CADM2: variants seen among roughly 807,000 people sequenced by gnomAD.
CADM2 encodes immunoglobulin superfamily member 4D.
CADM2 carries 12 observed loss-of-function variants against 49.8 expected under a neutral mutation model. That is an observed-to-expected ratio of 0.24 (90% CI 0.15 to 0.39). The LOEUF is 0.39. Among genes scored for constraint, CADM2 ranks in the 10% least tolerant of loss-of-function variants. The pLI is 1.00. For missense variants in CADM2, 378 were observed against 492.3 expected, an observed-to-expected ratio of 0.77 and a Z score of 2.20; for synonymous variants, 214 against 175.4, an observed-to-expected ratio of 1.22 and a Z score of -1.74.
intron 8 of CADM2, among the ~76,000 whole-genome samples, chr3:86,035,155 T>C (rs1734999660): frequency 6.6e-6 from 1 of 152,112 alleles, no homozygotes; most frequent in Non-Finnish European, 1.5e-5. Flanking sequence ...GTCCATTTTC[T>C]GTCACGTCAG....
At chr3:85,952,000 C>T (rs1723482356) in intron 7 of CADM2, among the ~76,000 whole-genome samples, 1 of 150,744 alleles carries the variant, frequency 6.6e-6, no homozygotes, top group Non-Finnish European at 1.5e-5. Context: ...ATAGTGGGCC[C>T]CTCAGTTAAG....
At chr3:85,731,874 G>T (rs959234413) in intron 2 of CADM2, among the ~76,000 whole-genome samples, 1 of 151,874 alleles carries the variant, frequency 6.6e-6, no homozygotes, top group South Asian at 2.1e-4. Context: ...TATCAGTGAA[G>T]AAATTAAGTA....
In CADM2 at chr3:85,526,691, A is replaced by G. The variant is rs542906040; in HGVS notation, c.62-199831A>G. Among the ~76,000 whole-genome samples the G allele has an allele frequency of 2.6e-5, 4 of 152,276 alleles. No individual in the cohort carries two copies. The East Asian group carries it at 5.8e-4, about 22-fold the overall frequency. On this transcript the variant is annotated intron_variant, in intron 1 of 9. Transcript: ENST00000383699. ...AAAAATGAAACACTGTGTGGCTCAC[A>G]CTAGATCCCTAAAATGCTTTATTCT...
At chr3:85,229,189 C>G (rs2042227974) in intron 1 of CADM2, among the ~76,000 whole-genome samples, 1 of 152,210 alleles carries the variant, frequency 6.6e-6, no homozygotes, top group Non-Finnish European at 1.5e-5. Flanking sequence ...AGGTCAATCT[C>G]AGACTGCTCT....
chr3:86,058,788 A>C (rs1286111529), intron 8 of CADM2, among the ~76,000 whole-genome samples: 1 of 152,016 alleles, frequency 6.6e-6, no homozygotes, highest in Non-Finnish European at 1.5e-5. Flanking sequence ...TTAATAAAGT[A>C]TTTTTTATAA....
intron 5 of CADM2, among the ~76,000 whole-genome samples, chr3:85,910,502 A>G (rs1717436431): frequency 1.3e-5 from 2 of 152,120 alleles, no homozygotes; most frequent in South Asian, 4.1e-4. Flanking sequence ...AATATTTTTA[A>G]ATGGAATTGT....
chr3:85,353,653 G>T (rs1225710348), intron 1 of CADM2, among the ~76,000 whole-genome samples: 2 of 150,802 alleles, frequency 1.3e-5, no homozygotes, highest in Admixed American at 6.6e-5. Context: ...CCACTCATGT[G>T]GTTACATAAT....
intron 1 of CADM2, among the ~76,000 whole-genome samples, chr3:85,133,032 G>A (rs908145615): frequency 4.6e-5 from 7 of 152,064 alleles, no homozygotes; most frequent in Admixed American, 1.3e-4. Flanking sequence ...AGACCTTTGC[G>A]GTGAGTGTTA....
intron 1 of CADM2, among the ~76,000 whole-genome samples, chr3:85,666,242 G>C (rs938580636): frequency 1.1e-4 from 17 of 151,882 alleles, no homozygotes; most frequent in Non-Finnish European, 2.2e-4. Context: ...AAATAAGATA[G>C]GACACAAACA....
At chr3:85,843,958 C>A (rs957619717) in intron 3 of CADM2, among the ~76,000 whole-genome samples, 1 of 151,960 alleles carries the variant, frequency 6.6e-6, no homozygotes, top group South Asian at 2.1e-4. Context: ...ATTACTAGCA[C>A]CCAGGGAGTG....
intron 5 of CADM2, among the ~76,000 whole-genome samples, chr3:85,906,294 A>G (rs983995684): frequency 1.3e-5 from 2 of 151,566 alleles, no homozygotes; most frequent in Non-Finnish European, 3.0e-5. Context: ...GCACCTCTCA[A>G]TGTAGATCTG....
intron 7 of CADM2, among the ~76,000 whole-genome samples, chr3:85,957,402 A>G (rs937034222): frequency 6.6e-6 from 1 of 151,686 alleles, no homozygotes; most frequent in African/African-American, 2.4e-5. Context: ...ATTTTCATAG[A>G]TATAGATCTG....
chr3:85,510,597 C>T (rs1038613237), intron 1 of CADM2, among the ~76,000 whole-genome samples: 1 of 151,760 alleles, frequency 6.6e-6, no homozygotes, highest in African/African-American at 2.4e-5. Context: ...TTGAGCTTTA[C>T]GAAGTTAAAT....
chr3:85,568,396 CCT>C (rs1491353186), intron 1 of CADM2, among the ~76,000 whole-genome samples: 3 of 102,662 alleles, frequency 2.9e-5, no homozygotes, highest in African/African-American at 9.0e-5. Flanking sequence ...TTCCTTCCTC[CCT>C]CTTTCTTTCT....
rs903274427 is a variant in CADM2, at chr3:86,069,049, A to C, written c.*2266A>C. 12 of 152,008 alleles carry C rather than the reference A, an allele frequency of 7.9e-5. No individual in the cohort carries two copies. The highest frequency in any genetic ancestry group is 1.6e-4 in the Non-Finnish European group (11 of 67,870). The allele number at this position is 152,008 out of a possible 1,614,324, so 9.4% of individuals were successfully genotyped here. A position where few individuals can be genotyped will look rare whatever the true frequency, so the allele number is the denominator to read the frequency against. ...TGGAAAGGTTCTTATTACAGAAGTA[A>C]GTTGTACAAACTGCATCATCAATTA... On this transcript the variant is annotated 3_prime_UTR_variant, in exon 10 of 10. Coordinates refer to ENST00000383699, the MANE Select transcript of CADM2 (RefSeq NM_001167675.2).
At chr3:85,413,474 T>G (rs1461135577) in intron 1 of CADM2, among the ~76,000 whole-genome samples, 1 of 152,074 alleles carries the variant, frequency 6.6e-6, no homozygotes, top group Non-Finnish European at 1.5e-5. Flanking sequence ...GGGTAATCTA[T>G]AAGAAAAGAG....
Position 86,041,302 on chromosome 3 carries a change from T to A in CADM2, c.971-24303T>A, listed in dbSNP as rs1384049214. 3.0e-4 allele frequency among the ~76,000 whole-genome samples: 45 copies of A among 151,768 alleles called. 1 individual carries two copies. The highest frequency in any genetic ancestry group is 3.0e-3 in the Admixed American group (45 of 15,214). On this transcript the variant is annotated intron_variant, in intron 8 of 9. Transcript: ENST00000383699. ...ACAGACTGGCAAATTGGATAAAGAG[T>A]CAAGACCCATCAGTGTGCTGTATTC...
chr3:85,787,089 AT>A (rs1286675409), intron 2 of CADM2, among the ~76,000 whole-genome samples: 9 of 152,106 alleles, frequency 5.9e-5, no homozygotes, highest in Admixed American at 2.0e-4. Context: ...TCCCAAAAAA[AT>A]ATTGCAGTTT....
At chr3:85,792,227 T>C (rs183509899) in intron 2 of CADM2, among the ~76,000 whole-genome samples, 4 of 152,330 alleles carry the variant, frequency 2.6e-5, no homozygotes, top group Admixed American at 1.3e-4. Flanking sequence ...TATGTCTCTG[T>C]TGAATTAACT....
Sources: gnomAD v4.1 joint callset for allele counts (sites outside exome capture counted in the v4.1 genomes callset) on GRCh38, gnomAD v4.1.1 for gene constraint, MANE v1.5 for transcripts, NCBI Gene and HGNC (gene_info 2026-07-23, HGNC 2026-07-21) for gene names.